Variants in BIRC6 observed in about 807,000 individuals in gnomAD.
BIRC6 encodes dual E2 ubiquitin-conjugating enzyme/E3 ubiquitin-protein ligase BIRC6.
A neutral mutation model predicts 503.3 loss-of-function variants in BIRC6; 98 were observed. That is an observed-to-expected ratio of 0.19 (90% CI 0.17 to 0.23). The LOEUF is 0.23. BIRC6 is among the 10% of genes least tolerant of loss of function. The pLI is 1.00. For synonymous variants in BIRC6, 2,240 were observed against 2,078.7 expected, an observed-to-expected ratio of 1.08 and a Z score of -2.11; for missense variants, 5,360 against 5,806.0, an observed-to-expected ratio of 0.92 and a Z score of 2.50.
chr2:32,446,634 G>A (rs969251050), intron 21 of BIRC6, among the ~76,000 whole-genome samples: 2 of 145,804 alleles, frequency 1.4e-5, no homozygotes, highest in Non-Finnish European at 3.0e-5. Context: ...AATCACATTT[G>A]TTGAGTCTCT....
intron 67 of BIRC6, 125 bp from the exon 68 acceptor site, chr2:32,594,909 T>G (rs964047106): frequency 1.7e-5 from 9 of 541,990 alleles, no homozygotes; most frequent in Non-Finnish European, 2.5e-5. Flanking sequence ...AAGATAATTG[T>G]GAAGAAGTTG....
chr2:32,543,080 G>A (rs1276713690), intron 61 of BIRC6, among the ~76,000 whole-genome samples, 161 bp from the exon 62 acceptor site: 3 of 152,176 alleles, frequency 2.0e-5, no homozygotes, highest in South Asian at 2.1e-4. Flanking sequence ...GATAACAGGC[G>A]TGAGCCACTG....
intron 63 of BIRC6, among the ~76,000 whole-genome samples, chr2:32,547,023 T>C (rs923094391): frequency 4.6e-5 from 7 of 152,186 alleles, no homozygotes; most frequent in Non-Finnish European, 7.3e-5. Context: ...CTTCAGTGGG[T>C]TAGATATGAT....
intron 4 of BIRC6, among the ~76,000 whole-genome samples, chr2:32,391,425 C>G (rs2039215520): frequency 7.2e-5 from 11 of 152,034 alleles, no homozygotes; most frequent in Admixed American, 7.2e-4. Context: ...AAGACTGATC[C>G]TAAAGACACA....
intron 63 of BIRC6, among the ~76,000 whole-genome samples, chr2:32,546,103 A>G (rs1425282114): frequency 6.6e-6 from 1 of 152,156 alleles, no homozygotes; most frequent in East Asian, 1.9e-4. Context: ...AAGCTTTCCC[A>G]TTTACCAAGA....
chr2:32,448,714 C>A, intron 21 of BIRC6, 81 bp from the exon 22 acceptor site: 1 of 1,347,190 alleles, frequency 7.4e-7, no homozygotes, highest in Non-Finnish European at 1.0e-6. Context: ...GTTAGTCAGA[C>A]TGCTTTTAAA....
intron 21 of BIRC6, 69 bp from the exon 22 acceptor site, chr2:32,448,726 C>A: frequency 6.8e-7 from 1 of 1,475,166 alleles, no homozygotes; most frequent in Non-Finnish European, 9.3e-7. Flanking sequence ...GCTTTTAAAA[C>A]TAAGTAAAGG....
rs373886901 is a variant in BIRC6 at position 32,525,644 on chromosome 2, G to A, written c.11920+16G>A. ...CTCTTGGCAGGTAATATTCCTCAAT[G>A]AATAAACGTCAAAGAAATTTTAGTA... On this transcript the variant is annotated intron_variant, in intron 59 of 73. Coordinates refer to ENST00000421745, the MANE Select transcript of BIRC6 (RefSeq NM_016252.4). 87 of 1,597,366 alleles carry A rather than the reference G, an allele frequency of 5.4e-5. No homozygotes were observed. The highest frequency in any genetic ancestry group is 1.7e-4 in the Middle Eastern group (1 of 5,854).
At chr2:32,503,263 T>G (rs375661107) in intron 49 of BIRC6, 27 bp downstream of exon 49, 41 of 1,548,444 alleles carry the variant, frequency 2.6e-5, no homozygotes, top group South Asian at 6.1e-5. Flanking sequence ...TAAATCTTAC[T>G]TATGTGAAAT....
chr2:32,380,658 G>A (rs1403407709), intron 3 of BIRC6, among the ~76,000 whole-genome samples: 1 of 152,090 alleles, frequency 6.6e-6, no homozygotes, highest in Non-Finnish European at 1.5e-5. Context: ...CCCAGGAGGC[G>A]GAGTTAGCTG....
At chr2:32,514,030 C>T (rs1281375463) in intron 54 of BIRC6, among the ~76,000 whole-genome samples, 1 of 138,166 alleles carries the variant, frequency 7.2e-6, no homozygotes, top group Non-Finnish European at 1.6e-5. Context: ...CGCCACTGTA[C>T]CCCAGCCTGG....
At chr2:32,383,554 T>C (rs2038003516) in intron 3 of BIRC6, among the ~76,000 whole-genome samples, 3 of 152,190 alleles carry the variant, frequency 2.0e-5, no homozygotes, top group South Asian at 4.2e-4. Context: ...TTTTATTTTT[T>C]GAGATGGAGT....
chr2:32,507,992 C>T lies in BIRC6; in HGVS notation c.9713C>T (p.Ser3238Leu). The T allele has an allele frequency of 6.2e-7, 1 of 1,613,054 alleles. No homozygotes were observed. Among genetic ancestry groups the T allele is most frequent in the Non-Finnish European group, 8.5e-7 (1 of 1,179,336 alleles). Residue 3238 changes from serine (S) to leucine (L), a missense_variant, in exon 51 of 74, where the codon TCA becomes TTA. By Grantham distance (145) the Ser-to-Leu change is moderately radical. Around this residue, in one of 16 missense-constraint regions of BIRC6, gnomAD observed 267 missense variants for 287.6 expected, o/e 0.93. Coordinates refer to ENST00000421745, the MANE Select transcript of BIRC6 (RefSeq NM_016252.4). ...HLASLATCPS[S>L]VSVEVSADGV... ...TCTCTTTTTATAGCCTGCCCTTCCT[C>T]AGTGTCTGTTGAAGTAAGTGCAGAT...
At chr2:32,481,593 C>T (rs760552386) in intron 38 of BIRC6, 140 bp downstream of exon 38, 112 of 613,878 alleles carry the variant, frequency 1.8e-4, no homozygotes, top group Non-Finnish European at 2.5e-4. Flanking sequence ...AGTGAAATCC[C>T]GTCTCTACTA....
In BIRC6 at chr2:32,446,719, C is replaced by T. The variant is rs1453542222; in HGVS notation, c.4484+1051C>T. Reference sequence around the variant, plus strand: ...CTGAATTTGATGGGTCAAATCTAGTCAGCATCTCCCTCTGCGCTGTTTTTT... The same window carrying T: ...CTGAATTTGATGGGTCAAATCTAGTTAGCATCTCCCTCTGCGCTGTTTTTT... On this transcript the variant is annotated intron_variant, in intron 21 of 73. Coordinates refer to ENST00000421745, the MANE Select transcript of BIRC6 (RefSeq NM_016252.4). Among the ~76,000 whole-genome samples the T allele has an allele frequency of 1.5e-4, 19 of 128,184 alleles. No homozygotes were observed. The Admixed American group carries it at 1.7e-3, about 11-fold the overall frequency. The allele number at this position is 128,184 out of a possible 152,430, so 84.1% of individuals were successfully genotyped here.
At chr2:32,493,792 A>G in intron 45 of BIRC6, 125 bp downstream of exon 45, 1 of 703,856 alleles carries the variant, frequency 1.4e-6, no homozygotes, top group Non-Finnish European at 2.3e-6. Flanking sequence ...GGTAGTAATT[A>G]AGGGGGAAGG....
intron 23 of BIRC6, among the ~76,000 whole-genome samples, chr2:32,454,809 A>G (rs890584257): frequency 6.6e-6 from 1 of 152,180 alleles, no homozygotes; most frequent in Admixed American, 6.5e-5. Flanking sequence ...TTTGTTAGGA[A>G]TTGCCTTATA....
intron 9 of BIRC6, among the ~76,000 whole-genome samples, chr2:32,411,065 G>A (rs1368072603): frequency 6.7e-6 from 1 of 150,340 alleles, no homozygotes; most frequent in African/African-American, 2.5e-5. Context: ...TTAAGACGGA[G>A]TTTTGCTTTT....
chr2:32,532,201 A>G (rs1216864648), intron 61 of BIRC6: 2 of 521,756 alleles, frequency 3.8e-6, no homozygotes, highest in Admixed American at 2.0e-5. Context: ...TCTAGACTCT[A>G]TTATAGTTTC....
Sources: gnomAD v4.1 joint callset for allele counts (sites outside exome capture counted in the v4.1 genomes callset) on GRCh38, gnomAD v4.1.1 for gene constraint, gnomAD v4.1.1 regional missense constraint, MANE v1.5 for transcripts, NCBI Gene and HGNC (gene_info 2026-07-23, HGNC 2026-07-21) for gene names.